The following VPS13D variants were observed in gnomAD, a reference collection of about 807,000 sequenced individuals.
The protein encoded by VPS13D is intermembrane lipid transfer protein VPS13D.
Under a neutral mutation model 461.9 loss-of-function variants are expected in VPS13D, and 187 were observed. The ratio of observed to expected loss-of-function variants is 0.40; its 90% CI spans 0.36 to 0.46. VPS13D has a LOEUF of 0.46. Among genes scored for constraint, VPS13D ranks in the 20% least tolerant of loss-of-function variants. The pLI is 0.60. For synonymous variants in VPS13D, 1,951 were observed against 1,986.3 expected, an observed-to-expected ratio of 0.98 and a Z score of 0.47; for missense variants, 4,711 against 5,364.9, an observed-to-expected ratio of 0.88 and a Z score of 3.81.
At chr1:12,310,883 C>CCTT (rs1642725894) in intron 27 of VPS13D, among the ~76,000 whole-genome samples, 1 of 143,184 alleles carries the variant, frequency 7.0e-6, no homozygotes, top group Non-Finnish European at 1.5e-5. Flanking sequence ...CTCCTTCCCT[C>CCTT]CTTCCCTCCT....
At chr1:12,431,944 GA>G (rs1279296834) in intron 65 of VPS13D, among the ~76,000 whole-genome samples, 2 of 152,212 alleles carry the variant, frequency 1.3e-5, no homozygotes, top group East Asian at 3.8e-4. Context: ...AGATGTAGTA[GA>G]GATGAAACTT....
At chr1:12,415,014 G>C in intron 63 of VPS13D, 73 bp from the exon 64 acceptor site, 1 of 1,541,720 alleles carries the variant, frequency 6.5e-7, no homozygotes, top group South Asian at 1.2e-5. Context: ...AGCTTTAATG[G>C]AATCTAGAAT....
intron 67 of VPS13D, among the ~76,000 whole-genome samples, chr1:12,467,542 C>T (rs888178348): frequency 1.1e-4 from 16 of 152,318 alleles, no homozygotes; most frequent in Middle Eastern, 3.4e-3. Flanking sequence ...CTCACAGGAA[C>T]GTAAGCAGAG....
intron 2 of VPS13D, among the ~76,000 whole-genome samples, chr1:12,240,541 G>C (rs1406465225): frequency 7.0e-6 from 1 of 142,838 alleles, no homozygotes; most frequent in African/African-American, 2.7e-5. Context: ...TTTGCAGTGA[G>C]CCGAGATCGC....
chr1:12,447,510 T>C (rs1314731981), intron 65 of VPS13D, among the ~76,000 whole-genome samples: 1 of 152,234 alleles, frequency 6.6e-6, no homozygotes, highest in Non-Finnish European at 1.5e-5. Context: ...TGGTCTTCAG[T>C]ACTTGGAAGT....
At chr1:12,467,916 G>GA (rs199554473) in intron 67 of VPS13D, among the ~76,000 whole-genome samples, 7,165 of 138,678 alleles carry the variant, frequency 0.052, 237 homozygotes, top group South Asian at 0.11. Flanking sequence ...GCTTCCAAAA[G>GA]AAAAAAAAAA....
chr1:12,310,546 T>C (rs1470150153), intron 27 of VPS13D, among the ~76,000 whole-genome samples: 1 of 152,120 alleles, frequency 6.6e-6, no homozygotes, highest in African/African-American at 2.4e-5. Context: ...GACGAACCTA[T>C]TCAGAGTTTA....
intron 64 of VPS13D, 94 bp downstream of exon 64, chr1:12,415,315 G>C: frequency 6.6e-7 from 1 of 1,515,672 alleles, no homozygotes; most frequent in Non-Finnish European, 9.1e-7. Flanking sequence ...TTACTATTGA[G>C]AACCCAGTTA....
chr1:12,277,320 T>C lies in VPS13D; in HGVS notation c.3732T>C (p.Tyr1244=). ...YVVSIGNSVG[Y]ENIISDIGYF... ...TCAGCATTGGGAATTCTGTAGGCTA[T>C]GAAAATATCATCAGTGATATTGGCT... Residue 1244 remains tyrosine, a synonymous_variant, in exon 19 of 70, where the codon TAT becomes TAC. Coordinates refer to ENST00000620676, the MANE Select transcript of VPS13D (RefSeq NM_015378.4). The C allele has an allele frequency of 6.2e-7, 1 of 1,614,244 alleles. No individual in the cohort carries two copies. The highest frequency in any genetic ancestry group is 8.5e-7 in the Non-Finnish European group (1 of 1,180,042).
chr1:12,356,416 G>A lies in VPS13D; in HGVS notation c.9890G>A (p.Arg3297Lys), dbSNP rs764930464. ...INKTGLPLIF[R>K]QDNAKTDAAG... ...CCTAAAGGGTTGCCACTGATCTTCA[G>A]ACAGGACAATGCCAAGACAGATGCT... The change falls in exon 49 of 70, where the codon AGA becomes AAA. Residue 3297 changes from arginine to lysine, a missense_variant. Arg to Lys is a conservative substitution (Grantham distance 26). This residue lies in a region of VPS13D where 4,411 missense variants were observed against 4,937.8 expected (regional missense o/e 0.89). Coordinates refer to ENST00000620676, the MANE Select transcript of VPS13D (RefSeq NM_015378.4). 1.9e-6 allele frequency: 3 copies of A among 1,613,786 alleles called. No individual in the cohort carries two copies. Among genetic ancestry groups the A allele is most frequent in the African/African-American group, 2.7e-5 (2 of 74,928 alleles).
intron 26 of VPS13D, among the ~76,000 whole-genome samples, chr1:12,306,406 CAG>C (rs1642566163): frequency 2.0e-5 from 3 of 152,290 alleles, no homozygotes; most frequent in East Asian, 3.9e-4. Context: ...ATCTAGAACA[CAG>C]AGGGGGCTGC....
At chr1:12,440,509 G>T (rs1303441042) in intron 65 of VPS13D, among the ~76,000 whole-genome samples, 4 of 152,212 alleles carry the variant, frequency 2.6e-5, no homozygotes, top group Admixed American at 6.5e-5. Context: ...GTAATATGCA[G>T]GACAGGGTCT....
chr1:12,442,615 A>G (rs1305729088), intron 65 of VPS13D, among the ~76,000 whole-genome samples: 2 of 141,198 alleles, frequency 1.4e-5, no homozygotes, highest in Non-Finnish European at 3.0e-5. Flanking sequence ...TTTTCTCTGT[A>G]GACAGGGTCT....
At chr1:12,460,499 G>C (rs1314718743) in intron 67 of VPS13D, 103 bp downstream of exon 67, 4 of 1,094,350 alleles carry the variant, frequency 3.7e-6, no homozygotes, top group South Asian at 6.8e-5. Flanking sequence ...TTAGTTATAG[G>C]GTTTTTAATT....
chr1:12,231,936 C>T (rs756422365), intron 1 of VPS13D, among the ~76,000 whole-genome samples: 1 of 152,042 alleles, frequency 6.6e-6, no homozygotes, highest in African/African-American at 2.4e-5. Flanking sequence ...TGCAGTGAGC[C>T]GAGATCCGAG....
At chr1:12,297,970 C>T (rs189295619) in intron 24 of VPS13D, among the ~76,000 whole-genome samples, 66 of 152,138 alleles carry the variant, frequency 4.3e-4, no homozygotes, top group Non-Finnish European at 7.6e-4. Flanking sequence ...TATAACTGAA[C>T]GCATGTTCAA....
chr1:12,252,849 A>G (rs1002687139), intron 6 of VPS13D, among the ~76,000 whole-genome samples: 1 of 150,932 alleles, frequency 6.6e-6, no homozygotes, highest in African/African-American at 2.4e-5. Context: ...AAATATAACA[A>G]CAAAAAATAA....
intron 17 of VPS13D, among the ~76,000 whole-genome samples, chr1:12,271,392 G>A (rs183407592): frequency 6.6e-6 from 1 of 152,252 alleles, no homozygotes; most frequent in East Asian, 1.9e-4. Context: ...CTTTGTGCTG[G>A]GTGCTATGGC....
chr1:12,281,094 G>A (rs1641766174), intron 20 of VPS13D, among the ~76,000 whole-genome samples: 1 of 150,352 alleles, frequency 6.7e-6, no homozygotes, highest in African/African-American at 2.4e-5. Context: ...ATATTTTAAG[G>A]TAAATCCCAG....
Sources: allele counts gnomAD v4.1 joint callset (sites outside exome capture counted in the v4.1 genomes callset), GRCh38; gene constraint gnomAD v4.1.1; regional missense constraint gnomAD v4.1.1; transcripts MANE v1.5; gene names NCBI Gene and HGNC (gene_info 2026-07-23, HGNC 2026-07-21).